The following VPS26A variants were observed in gnomAD, a reference collection of about 807,000 sequenced individuals.
VPS26A encodes the protein VPS26 retromer complex component A.
Under a neutral mutation model 42.4 loss-of-function variants are expected in VPS26A, and 22 were observed. The ratio of observed to expected loss-of-function variants is 0.52; its 90% confidence interval spans 0.37 to 0.74. The LOEUF (loss-of-function observed/expected upper bound fraction) is 0.74, where lower values mean the gene tolerates loss of function less well. Among genes scored for constraint, VPS26A ranks in the 30% least tolerant of loss-of-function variants. The probability of loss-of-function intolerance (pLI) is 0.00; values close to 1 mark genes in which losing one functional copy is unlikely to be tolerated. For synonymous variants in VPS26A, 110 were observed against 123.5 expected (o/e 0.89, Z 0.73); for missense variants, 276 against 379.2 (o/e 0.73, Z 2.26).
chr10:69,168,784 G>C lies in VPS26A; in HGVS notation c.870+153G>C, dbSNP rs147975428. Among the ~76,000 whole-genome samples the C allele has an allele frequency of 3.7e-3, 565 of 152,256 alleles. 4 individuals carry two copies. Among genetic ancestry groups the C allele is most frequent in the African/African-American group, 0.013 (537 of 41,538 alleles). ...ATAGATAAAGAAGTAGAGGAGAATA[G>C]AATCCTATGATAGATCCCTCCCCAA... On this transcript the variant is annotated intron_variant, in intron 8 of 8. Transcript: ENST00000263559.
At chr10:69,140,055 A>G (rs1245830981) in intron 2 of VPS26A, among the ~76,000 whole-genome samples, 1 of 151,038 alleles carries the variant, frequency 6.6e-6, no homozygotes, top group African/African-American at 2.4e-5. Flanking sequence ...TTTTTATGTG[A>G]AATTAGTTTT....
intron 2 of VPS26A, among the ~76,000 whole-genome samples, chr10:69,153,472 T>C (rs1447135051): frequency 6.6e-6 from 1 of 151,616 alleles, no homozygotes. Context: ...GTCTCCCTAG[T>C]AGCTGGGACT....
In VPS26A at chr10:69,174,134, T is replaced by A. The variant is rs1306127236; in HGVS notation, c.*2865T>A. Among the ~76,000 whole-genome samples, 1 of 152,200 alleles carries A rather than the reference T, an allele frequency of 6.6e-6. No homozygotes were observed. The highest frequency in any genetic ancestry group is 1.5e-5 in the Non-Finnish European group (1 of 68,024). ...TGTGGAAGCTCTGTTCTTTCACTCT[T>A]CACGATACATCTTGCTGCTGCTCAC... On this transcript the variant is annotated 3_prime_UTR_variant, in exon 9 of 9. Transcript: ENST00000263559.
intron 2 of VPS26A, among the ~76,000 whole-genome samples, chr10:69,151,282 A>AAAACAAAAAAAAAAAAACACAC: frequency 7.3e-6 from 1 of 136,832 alleles, no homozygotes; most frequent in African/African-American, 3.3e-5. Context: ...AAAAAAAAAA[A>AAAACAAAAAAAAAAAAACACAC]ACACACACAC....
intron 1 of VPS26A, among the ~76,000 whole-genome samples, chr10:69,125,216 T>A (rs1840624230): frequency 6.6e-6 from 1 of 152,210 alleles, no homozygotes; most frequent in Non-Finnish European, 1.5e-5. Context: ...CCGAGCCAGG[T>A]ATATTTTTAA....
Position 69,157,031 on chromosome 10 carries a change from C to T in VPS26A, c.254C>T (p.Thr85Ile), listed in dbSNP as rs765764274. The T allele has an allele frequency of 3.2e-5, 52 of 1,611,428 alleles. No homozygotes were observed. The highest frequency in any genetic ancestry group is 1.7e-4 in the Middle Eastern group (1 of 5,778). ...GAACTTTTCAATGACAAGAGTAATA[C>T]TCATGAATTTGTAAACCTAGTGAAA... Reference protein sequence around the residue: ...QIELFNDKSNTHEFVNLVKEL... With the variant: ...QIELFNDKSNIHEFVNLVKEL... Residue 85 changes from threonine to isoleucine, a missense_variant, in exon 4 of 9, where the codon ACT (threonine) becomes ATT (isoleucine). Coordinates refer to ENST00000263559, the MANE Select transcript of VPS26A (RefSeq NM_004896.5).
At chr10:69,138,044 C>CT (rs1840958484) in intron 2 of VPS26A, among the ~76,000 whole-genome samples, 1 of 152,166 alleles carries the variant, frequency 6.6e-6, no homozygotes, top group African/African-American at 2.4e-5. Flanking sequence ...CTTCCAGTCT[C>CT]TGACAACCCC....
chr10:69,155,100 T>C (rs1050522727), intron 2 of VPS26A, among the ~76,000 whole-genome samples: 1 of 151,640 alleles, frequency 6.6e-6, no homozygotes, highest in Non-Finnish European at 1.5e-5. Flanking sequence ...CAGTAAGCTA[T>C]GATTGTGCCA....
rs1360854411 is a variant in VPS26A at position 69,174,393 on chromosome 10, AT to A, written c.*3129del. Among the ~76,000 whole-genome samples the A allele has an allele frequency of 6.6e-6, 1 of 152,206 alleles. No individual in the cohort carries two copies. Among genetic ancestry groups the A allele is most frequent in the Non-Finnish European group, 1.5e-5 (1 of 68,048 alleles). On this transcript the variant is annotated 3_prime_UTR_variant, in exon 9 of 9. Coordinates refer to ENST00000263559, the MANE Select transcript of VPS26A (RefSeq NM_004896.5). ...GGAACCACTGATCTAAACCATTAAA[AT>A]TTTTATTTCTGTCACTAATGAAGAA...
At chr10:69,134,351 T>A (rs1319795161) in intron 2 of VPS26A, among the ~76,000 whole-genome samples, 1 of 152,218 alleles carries the variant, frequency 6.6e-6, no homozygotes, top group Non-Finnish European at 1.5e-5. Flanking sequence ...TTTGGTAATA[T>A]GGACATCGGT....
chr10:69,134,225 T>A (rs1165797919), intron 2 of VPS26A, among the ~76,000 whole-genome samples: 1 of 152,200 alleles, frequency 6.6e-6, no homozygotes, highest in African/African-American at 2.4e-5. Flanking sequence ...TGGATGTGCT[T>A]CCTCTAATCT....
chr10:69,135,141 A>G (rs1251075408), intron 2 of VPS26A, among the ~76,000 whole-genome samples: 1 of 152,204 alleles, frequency 6.6e-6, no homozygotes, highest in Non-Finnish European at 1.5e-5. Flanking sequence ...CAGATATGAC[A>G]TGTAAATATC....
intron 7 of VPS26A, among the ~76,000 whole-genome samples, chr10:69,167,108 CAG>C (rs1199353825): frequency 8.8e-6 from 1 of 114,184 alleles, no homozygotes; most frequent in Non-Finnish European, 1.7e-5. Context: ...GCCTGGGAGA[CAG>C]AGTGAAACTC....
intron 1 of VPS26A, among the ~76,000 whole-genome samples, chr10:69,126,752 T>C (rs1840664298): frequency 6.6e-6 from 1 of 152,178 alleles, no homozygotes; most frequent in African/African-American, 2.4e-5. Context: ...GAATTTAATT[T>C]CATTACCCTT....
At chr10:69,159,937 G>C (rs948438318) in intron 5 of VPS26A, among the ~76,000 whole-genome samples, 2 of 151,816 alleles carry the variant, frequency 1.3e-5, no homozygotes, top group African/African-American at 4.8e-5. Context: ...AAATGGATGT[G>C]CCCTGTATTA....
At chr10:69,147,817 A>T (rs1031146741) in intron 2 of VPS26A, among the ~76,000 whole-genome samples, 2 of 152,076 alleles carry the variant, frequency 1.3e-5, no homozygotes, top group Non-Finnish European at 2.9e-5. Flanking sequence ...GGCTCAAGTG[A>T]TCCTCCCACC....
In VPS26A at chr10:69,149,746, T is replaced by G. The variant is rs200668139; in HGVS notation, c.154-6066T>G. On this transcript the variant is annotated intron_variant, in intron 2 of 8. Transcript: ENST00000263559. ...CTTGGTGTTTTTTGTTTTTTTTTTT[T>G]TTTTTTTTTTTTTTTTTTGAGATGG... 4.1e-4 allele frequency among the ~76,000 whole-genome samples: 49 copies of G among 118,936 alleles called. 1 individual carries two copies. The highest frequency in any genetic ancestry group is 1.5e-3 in the African/African-American group (42 of 28,130). 78.0% of individuals were successfully genotyped at this position (118,936 alleles called of 152,430 possible). A position where few individuals can be genotyped will look rare whatever the true frequency, so the allele number is the denominator to read the frequency against.
intron 2 of VPS26A, among the ~76,000 whole-genome samples, chr10:69,155,349 A>G (rs1039602868): frequency 6.6e-6 from 1 of 152,218 alleles, no homozygotes; most frequent in Non-Finnish European, 1.5e-5. Context: ...ATTTCTGAGC[A>G]TTGTCCATAA....
In VPS26A at chr10:69,162,406, G is replaced by T; in HGVS notation, c.552G>T (p.Lys184Asn). The change falls in exon 6 of 9, where the codon AAG becomes AAT. Residue 184 changes from lysine to asparagine, a missense_variant and splice_region_variant. By Grantham distance (94) the Lys-to-Asn change is moderately conservative. Transcript: ENST00000263559. ...LHIEFEYNKS[K>N]YHLKDVIVGK... Reference sequence around the variant, plus strand: ...AGTGAGATATGTTCTTCCCCAATAGGTATCATTTAAAGGATGTGATTGTTG... The same window carrying T: ...AGTGAGATATGTTCTTCCCCAATAGTTATCATTTAAAGGATGTGATTGTTG... The T allele has an allele frequency of 7.2e-7, 1 of 1,397,036 alleles. No individual in the cohort carries two copies. The highest frequency in any genetic ancestry group is 1.0e-6 in the Non-Finnish European group (1 of 999,262). The allele number at this position is 1,397,036 out of a possible 1,614,324, so 86.5% of individuals were successfully genotyped here. A position where few individuals can be genotyped will look rare whatever the true frequency, so the allele number is the denominator to read the frequency against.
Sources: allele counts gnomAD v4.1 joint callset (sites outside exome capture counted in the v4.1 genomes callset), GRCh38; gene constraint gnomAD v4.1.1; transcripts MANE v1.5; gene names NCBI Gene and HGNC (gene_info 2026-07-23, HGNC 2026-07-21).